The following ZSWIM8 variants were observed in gnomAD, a reference collection of about 807,000 sequenced individuals.
ZSWIM8 encodes the protein zinc finger SWIM domain-containing protein 8.
Under a neutral mutation model 173.7 loss-of-function variants are expected in ZSWIM8, and 27 were observed. That is an observed-to-expected ratio of 0.16 (90% CI 0.11 to 0.21). The LOEUF (loss-of-function observed/expected upper bound fraction) is 0.21, where lower values mean the gene tolerates loss of function less well. Ranked by LOEUF, ZSWIM8 falls within the 10% of genes least tolerant of loss-of-function variation. The pLI is 1.00. For missense variants in ZSWIM8, 1,627 were observed against 2,428.8 expected (o/e 0.67, Z 6.94); for synonymous variants, 958 against 962.0 (o/e 1.00, Z 0.08).
In ZSWIM8 at chr10:73,785,847, G is replaced by A. The variant is rs1048981873; in HGVS notation, c.-32G>A. ...GGCGGCCCAGGCCCCGGATCCGCGGGGGGGGACCCGGCCCCGGGGGGTGCG... is the reference window on the plus strand; with the variant it reads ...GGCGGCCCAGGCCCCGGATCCGCGGAGGGGGACCCGGCCCCGGGGGGTGCG... On this transcript the variant is annotated 5_prime_UTR_variant, in exon 1 of 26. Transcript: ENST00000604729. 2.0e-6 allele frequency: 3 copies of A among 1,474,136 alleles called. No individual in the cohort carries two copies. Among genetic ancestry groups the A allele is most frequent in the East Asian group, 3.0e-5 (1 of 33,774 alleles). The allele number at this position is 1,474,136 out of a possible 1,614,324, so 91.3% of individuals were successfully genotyped here. A position where few individuals can be genotyped will look rare whatever the true frequency, so the allele number is the denominator to read the frequency against.
At position 73,800,347 on chromosome 10, in the gene ZSWIM8, T is replaced by C. The variant is rs753459252; in HGVS notation, c.4877T>C (p.Leu1626Pro). The C allele has an allele frequency of 1.2e-6, 2 of 1,613,806 alleles. No individual in the cohort carries two copies. ...TTTCCAGCCATCCAAGGTGCCTCAC[T>C]GCCTGCCCTGACCACACAGCCCAGC... ...STFPAIQGAS[L>P]PALTTQPSPL... The change falls in exon 23 of 26, where the codon CTG (leucine) becomes CCG (proline). Residue 1626 changes from leucine (L) to proline (P), a missense_variant. By Grantham distance (98) the Leu-to-Pro change is moderately conservative. Around this residue, in one of 18 missense-constraint regions of ZSWIM8, gnomAD observed 275 missense variants for 290.1 expected, o/e 0.95. Transcript: ENST00000604729. This position sits in a 1 kb window ranked among gnomAD's most constrained non-coding sequence, Gnocchi z 4.1.
chr10:73,786,767 G>T, intron 1 of ZSWIM8: 1 of 152,326 alleles, frequency 6.6e-6, no homozygotes, highest in Non-Finnish European at 1.5e-5. Flanking sequence ...TGCCTGCTGT[G>T]CCTTCCTCAT....
At chr10:73,798,116 T>TGGGGATA in intron 19 of ZSWIM8, 46 bp downstream of exon 19, 1 of 1,604,028 alleles carries the variant, frequency 6.2e-7, no homozygotes, top group Non-Finnish European at 8.5e-7. Flanking sequence ...GATTAATTGG[T>TGGGGATA]GGGGATAAGA....
chr10:73,797,139 G>T lies in ZSWIM8; in HGVS notation c.3301G>T (p.Gly1101Cys). The T allele has an allele frequency of 6.2e-7, 1 of 1,613,698 alleles. No homozygotes were observed. The highest frequency in any genetic ancestry group is 8.5e-7 in the Non-Finnish European group (1 of 1,179,756). The change falls in exon 17 of 26, where the codon GGT becomes TGT. Residue 1101 changes from glycine to cysteine, a missense_variant. Physicochemically the swap from Gly to Cys is radical, Grantham distance 159 (BLOSUM62 -3). Transcript: ENST00000604729. This position sits in a 1 kb window ranked among gnomAD's most constrained non-coding sequence, Gnocchi z 5.6. ...GAGTTCCCCACATTCCCCCTGTGAG[G>T]GTCTTCCATCTGAGGCAGCTTTGAC... is the stretch of plus-strand genomic sequence containing the variant. ...PESSPHSPCE[G>C]LPSEAALTPR...
intron 21 of ZSWIM8, 49 bp from the exon 22 acceptor site, chr10:73,799,962 A>G: frequency 6.3e-7 from 1 of 1,586,302 alleles, no homozygotes; most frequent in Non-Finnish European, 8.6e-7. Flanking sequence ...CACGACAGCA[A>G]CATCCTAATC....
At position 73,793,951 on chromosome 10, in the gene ZSWIM8, A is replaced by G. The variant is rs1434251204; in HGVS notation, c.2532A>G (p.Leu844=). 3.7e-6 allele frequency: 6 copies of G among 1,613,442 alleles called. No homozygotes were observed. The African/African-American group carries it at 8.0e-5, about 22-fold the overall frequency. ...LSKAAFLLTV[L]SERPEHHNLA... is the part of the protein sequence containing the mutation. ...AGGCGGCCTTCCTGTTGACAGTGCT[A>G]AGTGAGCGTCCAGAGCACCACAACC... The change falls in exon 12 of 26, where the codon CTA becomes CTG. Residue 844 remains leucine, a synonymous_variant. Coordinates refer to ENST00000604729, the MANE Select transcript of ZSWIM8 (RefSeq NM_001367799.1).
At chr10:73,794,121 G>A (rs746276167) in intron 12 of ZSWIM8, 26 bp from the exon 13 acceptor site, 7 of 1,613,412 alleles carry the variant, frequency 4.3e-6, no homozygotes, top group Non-Finnish European at 5.9e-6. Context: ...CACACCAGAG[G>A]TCTGAGCTCC....
In ZSWIM8 at chr10:73,797,292, G is replaced by C. The variant is rs761331116; in HGVS notation, c.3433+21G>C. ...CACAGGTAGGATAGCCTGTGGGCTA[G>C]CATAGAGGGAAGGATAATCCTGAAG... On this transcript the variant is annotated intron_variant, in intron 17 of 25. Coordinates refer to ENST00000604729, the MANE Select transcript of ZSWIM8 (RefSeq NM_001367799.1). The surrounding 1 kb of genome is among the most constrained non-coding windows in gnomAD (Gnocchi z 5.6). 2 of 1,613,804 alleles carry C rather than the reference G, an allele frequency of 1.2e-6. No individual in the cohort carries two copies. Among genetic ancestry groups the C allele is most frequent in the East Asian group, 4.5e-5 (2 of 44,884 alleles).
chr10:73,797,897 A>G lies in ZSWIM8; in HGVS notation c.3779A>G (p.Asn1260Ser). Residue 1260 changes from asparagine to serine, a missense_variant, in exon 19 of 26, where the codon AAC (asparagine) becomes AGC (serine). Asn to Ser is a conservative substitution (Grantham distance 46). Coordinates refer to ENST00000604729, the MANE Select transcript of ZSWIM8 (RefSeq NM_001367799.1). This position sits in a 1 kb window ranked among gnomAD's most constrained non-coding sequence, Gnocchi z 5.6. Reference sequence around the variant, plus strand: ...ACAGTGCTGATCAAGGCAGGGGGCAACAGCAGCACTTCCATTTTCACACAT... The same window carrying G: ...ACAGTGCTGATCAAGGCAGGGGGCAGCAGCAGCACTTCCATTTTCACACAT... ...AKTVLIKAGGNSSTSIFTHPS... is the reference protein window; with the variant it reads ...AKTVLIKAGGSSSTSIFTHPS... The G allele has an allele frequency of 6.2e-7, 1 of 1,613,920 alleles. No homozygotes were observed. Among genetic ancestry groups the G allele is most frequent in the Non-Finnish European group, 8.5e-7 (1 of 1,179,884 alleles).
At chr10:73,794,078 CTCT>C in intron 12 of ZSWIM8, 34 bp downstream of exon 12, 1 of 1,610,170 alleles carries the variant, frequency 6.2e-7, no homozygotes. Context: ...GTATTTCAGT[CTCT>C]TTAGAGCCTT....
chr10:73,786,202 G>A, intron 1 of ZSWIM8, 116 bp downstream of exon 1: 1 of 1,199,774 alleles, frequency 8.3e-7, no homozygotes. Flanking sequence ...GGGGAAGAAA[G>A]GGGAGCTGTC....
At position 73,792,083 on chromosome 10, in the gene ZSWIM8, G is replaced by T. The variant is rs1481615691; in HGVS notation, c.1544G>T (p.Arg515Leu). 1 of 1,532,556 alleles carries T rather than the reference G, an allele frequency of 6.5e-7. No individual in the cohort carries two copies. Among genetic ancestry groups the T allele is most frequent in the Non-Finnish European group, 8.8e-7 (1 of 1,133,474 alleles). 94.9% of individuals were successfully genotyped at this position (1,532,556 alleles called of 1,614,324 possible). A position where few individuals can be genotyped will look rare whatever the true frequency, so the allele number is the denominator to read the frequency against. ...ALCWARALPS[R>L]PGASRSGGLE... is the part of the protein sequence containing the mutation. ...TGCTGGGCCCGGGCCCTGCCCTCTC[G>T]GCCAGGTGCCTCCCGCTCTGGGGGC... Residue 515 changes from arginine (R) to leucine (L), a missense_variant, in exon 10 of 26, where the codon CGG becomes CTG. Physicochemically the swap from Arg to Leu is moderately radical, Grantham distance 102. Around this residue, in one of 18 missense-constraint regions of ZSWIM8, gnomAD observed 383 missense variants for 394.8 expected, o/e 0.97. Coordinates refer to ENST00000604729, the MANE Select transcript of ZSWIM8 (RefSeq NM_001367799.1). The surrounding 1 kb of genome is among the most constrained non-coding windows in gnomAD (Gnocchi z 4.3).
In ZSWIM8 at chr10:73,785,950, G is replaced by A. The variant is rs749201081; in HGVS notation, c.72G>A (p.Glu24=). Residue 24 remains glutamate (E), a synonymous_variant, in exon 1 of 26, where the codon GAG becomes GAA. Transcript: ENST00000604729. ...TCGAGGATTCGGACCGTTTTGAGGA[G>A]GATTCACTCTGTTCCTTCATCTCCG... The part of the protein sequence containing the change: ...FSFEDSDRFE[E]DSLCSFISEA... 3.8e-6 allele frequency: 6 copies of A among 1,566,096 alleles called. No individual in the cohort carries two copies. Among genetic ancestry groups the A allele is most frequent in the Non-Finnish European group, 5.2e-6 (6 of 1,155,490 alleles).
At chr10:73,796,037 C>T (rs2083635659) in intron 15 of ZSWIM8, among the ~76,000 whole-genome samples, 1 of 150,436 alleles carries the variant, frequency 6.6e-6, no homozygotes, top group African/African-American at 2.5e-5. Context: ...ATTTTACTAC[C>T]TTTCTCAGGG....
At chr10:73,796,496 G>A (rs2083662637) in intron 15 of ZSWIM8, 3 of 492,212 alleles carry the variant, frequency 6.1e-6, no homozygotes, top group Non-Finnish European at 7.4e-6. Context: ...AAGAAGAGAA[G>A]CAGAGGGCAT....
rs546592238 is a variant in ZSWIM8, at chr10:73,792,966, C to G, written c.2313+114C>G. On this transcript the variant is annotated intron_variant, in intron 10 of 25. Transcript: ENST00000604729. This position sits in a 1 kb window ranked among gnomAD's most constrained non-coding sequence, Gnocchi z 4.3. Reference sequence around the variant, plus strand: ...CAGCAGGATTGTGAGAACCCTGTTGCAGGCGCCGAACTGGTCTCCCTGCTT... The same window carrying G: ...CAGCAGGATTGTGAGAACCCTGTTGGAGGCGCCGAACTGGTCTCCCTGCTT... The G allele has an allele frequency of 7.6e-6, 10 of 1,311,220 alleles. No homozygotes were observed. The African/African-American group carries it at 1.5e-4, about 19-fold the overall frequency. The allele number at this position is 1,311,220 out of a possible 1,614,324, so 81.2% of individuals were successfully genotyped here. A position where few individuals can be genotyped will look rare whatever the true frequency, so the allele number is the denominator to read the frequency against.
intron 19 of ZSWIM8, 44 bp downstream of exon 19, chr10:73,798,114 G>C: frequency 6.2e-7 from 1 of 1,604,406 alleles, no homozygotes; most frequent in Non-Finnish European, 8.5e-7. Flanking sequence ...GGGATTAATT[G>C]GTGGGGATAA....
Position 73,800,188 on chromosome 10 carries a change from G to A in ZSWIM8, c.4825+18G>A. 1 of 1,613,394 alleles carries A rather than the reference G, an allele frequency of 6.2e-7. No individual in the cohort carries two copies. The highest frequency in any genetic ancestry group is 8.5e-7 in the Non-Finnish European group (1 of 1,179,732). ...TGTGGCCTGTGAGTTGTGGGGCCAG[G>A]GAACAGGTGAATGGAGGGGAGGCAC... On this transcript the variant is annotated intron_variant, in intron 22 of 25. Coordinates refer to ENST00000604729, the MANE Select transcript of ZSWIM8 (RefSeq NM_001367799.1). This position sits in a 1 kb window ranked among gnomAD's most constrained non-coding sequence, Gnocchi z 4.1.
Position 73,794,026 on chromosome 10 carries a change from T to C in ZSWIM8, c.2607T>C (p.Ala869=). The C allele has an allele frequency of 6.2e-7, 1 of 1,613,384 alleles. No homozygotes were observed. The highest frequency in any genetic ancestry group is 1.7e-5 in the Admixed American group (1 of 59,882). Residue 869 remains alanine, a synonymous_variant, in exon 12 of 26, where the codon GCT becomes GCC. Transcript: ENST00000604729. ...CCTTGGAGCTACAGAGGCCTCCAGCTTCTACCAAGGCCTTGGAGGTCAGAG... is the reference window on the plus strand; with the variant it reads ...CCTTGGAGCTACAGAGGCCTCCAGCCTCTACCAAGGCCTTGGAGGTCAGAG... ...MFALELQRPP[A]STKALEVKLA... is the part of the protein sequence containing the mutation.
Sources: allele counts gnomAD v4.1 joint callset (sites outside exome capture counted in the v4.1 genomes callset), GRCh38; gene constraint gnomAD v4.1.1; regional missense constraint gnomAD v4.1.1; non-coding constraint Gnocchi (gnomAD v3.1); transcripts MANE v1.5; gene names NCBI Gene and HGNC (gene_info 2026-07-23, HGNC 2026-07-21).